The following ZC3HAV1L variants were observed in gnomAD, a reference collection of about 807,000 sequenced individuals.
ZC3HAV1L encodes zinc finger CCCH-type antiviral protein 1-like.
Under a neutral mutation model 28.2 loss-of-function variants are expected in ZC3HAV1L, and 23 were observed. That is an observed-to-expected ratio of 0.82 (90% CI 0.59 to 1.16). The LOEUF (loss-of-function observed/expected upper bound fraction) is 1.16, where lower values mean the gene tolerates loss of function less well. Among genes scored for constraint, ZC3HAV1L ranks in the 50% most tolerant of loss-of-function variants. The probability of loss-of-function intolerance (pLI) is 0.00; values close to 1 mark genes in which losing one functional copy is unlikely to be tolerated. For synonymous variants in ZC3HAV1L, 180 were observed against 163.4 expected (o/e 1.10, Z -0.78); for missense variants, 376 against 387.7 (o/e 0.97, Z 0.25).
chr7:139,032,321 G>A (rs191254136), intron 2 of ZC3HAV1L, among the ~76,000 whole-genome samples: 16 of 152,042 alleles, frequency 1.1e-4, no homozygotes, highest in African/African-American at 2.7e-4. Context: ...TCCACTGTAC[G>A]GCAAGGTGAC....
At chr7:139,027,711 G>A (rs931925514) in intron 3 of ZC3HAV1L, among the ~76,000 whole-genome samples, 8 of 151,916 alleles carry the variant, frequency 5.3e-5, no homozygotes, top group Non-Finnish European at 1.0e-4. Flanking sequence ...AAAGACTATG[G>A]GAATATATTT....
chr7:139,026,663 C>T, intron 4 of ZC3HAV1L, 45 bp downstream of exon 4: 1 of 1,612,200 alleles, frequency 6.2e-7, no homozygotes, highest in Non-Finnish European at 8.5e-7. Context: ...ATCTTCCAAG[C>T]TGGACAAGCT....
At position 139,028,722 on chromosome 7, in the gene ZC3HAV1L, T is replaced by G; in HGVS notation, c.740A>C (p.His247Pro). Residue 247 changes from histidine to proline, a missense_variant, in exon 3 of 5, where the codon CAC becomes CCC. By Grantham distance (77) the His-to-Pro change is moderately conservative (BLOSUM62 -2). Coordinates refer to ENST00000275766, the MANE Select transcript of ZC3HAV1L (RefSeq NM_080660.4). Reference sequence around the variant, plus strand: ...CCTACCTGTATTTTCAAGCATCTTGTGCAGCTTCATATGCTTGTAGGTGGA... The same window carrying G: ...CCTACCTGTATTTTCAAGCATCTTGGGCAGCTTCATATGCTTGTAGGTGGA... ...IISTYKHMKL[H>P]KMLENTDNSS... The G allele has an allele frequency of 6.2e-7, 1 of 1,614,090 alleles. No individual in the cohort carries two copies. The highest frequency in any genetic ancestry group is 8.5e-7 in the Non-Finnish European group (1 of 1,179,946).
chr7:139,035,382 C>T (rs1015904610), intron 1 of ZC3HAV1L: 4 of 985,052 alleles, frequency 4.1e-6, no homozygotes, highest in Admixed American at 6.1e-5. Context: ...CCGGCCGCGT[C>T]GCGCAGGATC....
chr7:139,035,484 G>A lies in ZC3HAV1L; in HGVS notation c.365+169C>T, dbSNP rs893097086. Reference sequence around the variant, plus strand: ...CTTCGCGCCTTTCCGCCCAGCTGCTGGAAGCGCGGGGGAGGACGCCCAGGA... The same window carrying A: ...CTTCGCGCCTTTCCGCCCAGCTGCTAGAAGCGCGGGGGAGGACGCCCAGGA... On this transcript the variant is annotated intron_variant, in intron 1 of 4. Transcript: ENST00000275766. 5 of 985,314 alleles carry A rather than the reference G, an allele frequency of 5.1e-6. 1 individual carries two copies. The highest frequency in any genetic ancestry group is 6.1e-5 in the Admixed American group (1 of 16,268). The allele number at this position is 985,314 out of a possible 1,614,324, so 61.0% of individuals were successfully genotyped here. A position where few individuals can be genotyped will look rare whatever the true frequency, so the allele number is the denominator to read the frequency against.
chr7:139,035,427 G>C, intron 1 of ZC3HAV1L: 2 of 985,356 alleles, frequency 2.0e-6, no homozygotes, highest in Admixed American at 6.1e-5. Flanking sequence ...CTTTTCTGGC[G>C]TGGGCGGTTG....
rs1007343865 is a variant in ZC3HAV1L at position 139,028,826 on chromosome 7, C to A, written c.636G>T (p.Gln212His). The A allele has an allele frequency of 2.5e-6, 4 of 1,614,052 alleles. No homozygotes were observed. In the African/African-American group the frequency reaches 5.3e-5, roughly 22 times the overall value. ...GCTTCAAAGATGCAGCATGGATAAG[C>A]TGATGGGACCGTTTGCAGGTCTGAA... ...CKLQTCKRSHQLIHAASLKLL... is the reference protein window; with the variant it reads ...CKLQTCKRSHHLIHAASLKLL... Residue 212 changes from glutamine (Q) to histidine (H), a missense_variant, in exon 3 of 5, where the codon CAG becomes CAT. Physicochemically the swap from Gln to His is conservative, Grantham distance 24. Coordinates refer to ENST00000275766, the MANE Select transcript of ZC3HAV1L (RefSeq NM_080660.4).
chr7:139,029,017 CG>C, intron 2 of ZC3HAV1L, 57 bp from the exon 3 acceptor site: 2 of 1,542,690 alleles, frequency 1.3e-6, no homozygotes, highest in East Asian at 2.3e-5. Flanking sequence ...TTTTTGGCAG[CG>C]GGGAGATGGA....
In ZC3HAV1L at chr7:139,034,457, AAATT is replaced by A. The variant is rs1815636351; in HGVS notation, c.501+82_501+85del. The stretch of plus-strand genomic sequence containing the variant: ...AATCATGTTGCTTCGAAGGCAATTA[AAATT>A]AATATGTAAAGCCAAAAGAAAAATA... On this transcript the variant is annotated intron_variant, in intron 2 of 4. Transcript: ENST00000275766. 6 of 1,549,380 alleles carry A rather than the reference AAATT, an allele frequency of 3.9e-6. No individual in the cohort carries two copies. The African/African-American group carries it at 4.1e-5, about 11-fold the overall frequency.
chr7:139,024,974 CT>C, downstream of ZC3HAV1L, among the ~76,000 whole-genome samples: 1 of 136,742 alleles, frequency 7.3e-6, no homozygotes, highest in African/African-American at 3.0e-5. Context: ...ATGAACACAG[CT>C]GGGTAGGTGG....
chr7:139,026,369 G>A lies in ZC3HAV1L; in HGVS notation c.*175C>T, dbSNP rs1815352453. 3.1e-6 allele frequency: 3 copies of A among 963,294 alleles called. No homozygotes were observed. Among genetic ancestry groups the A allele is most frequent in the African/African-American group, 3.3e-5 (2 of 60,216 alleles). The allele number at this position is 963,294 out of a possible 1,614,324, so 59.7% of individuals were successfully genotyped here. A position where few individuals can be genotyped will look rare whatever the true frequency, so the allele number is the denominator to read the frequency against. On this transcript the variant is annotated 3_prime_UTR_variant, in exon 5 of 5. Coordinates refer to ENST00000275766, the MANE Select transcript of ZC3HAV1L (RefSeq NM_080660.4). ...GCAGAGCTCCATCTACCCAGCCTGA[G>A]GAAAGCACCTAGGAGCTGCAGATAG... is the stretch of plus-strand genomic sequence containing the variant.
chr7:139,034,629 C>A lies in ZC3HAV1L; in HGVS notation c.415G>T (p.Val139Phe), dbSNP rs763553811. 4 of 1,613,976 alleles carry A rather than the reference C, an allele frequency of 2.5e-6. No homozygotes were observed. In the South Asian group the frequency reaches 3.3e-5, roughly 13 times the overall value. The change falls in exon 2 of 5, where the codon GTC becomes TTC. Residue 139 changes from valine (V) to phenylalanine (F), a missense_variant. Val to Phe is a conservative substitution (Grantham distance 50). Coordinates refer to ENST00000275766, the MANE Select transcript of ZC3HAV1L (RefSeq NM_080660.4). ...CCAAAAAGTCCATGGCTTTTCAGGACCTGCATGTTGACAGGTGTGTGGATA... is the reference window on the plus strand; with the variant it reads ...CCAAAAAGTCCATGGCTTTTCAGGAACTGCATGTTGACAGGTGTGTGGATA... ...HDIHTPVNMQ[V>F]LKSHGLFGLN...
rs552785377 is a variant in ZC3HAV1L, at chr7:139,035,571, C to A, written c.365+82G>T. ...CCGGCCCGGGGCAGGACGAAGCCCC[C>A]CTTCCCGTCGCTCCCGCTTCCAGCA... On this transcript the variant is annotated intron_variant, in intron 1 of 4. Coordinates refer to ENST00000275766, the MANE Select transcript of ZC3HAV1L (RefSeq NM_080660.4). The A allele has an allele frequency of 6.7e-6, 9 of 1,341,414 alleles. No homozygotes were observed. The East Asian group carries it at 9.4e-5, about 14-fold the overall frequency. The allele number at this position is 1,341,414 out of a possible 1,614,324, so 83.1% of individuals were successfully genotyped here. A position where few individuals can be genotyped will look rare whatever the true frequency, so the allele number is the denominator to read the frequency against.
In ZC3HAV1L at chr7:139,034,638, T is replaced by C. The variant is rs1815643684; in HGVS notation, c.406A>G (p.Asn136Asp). The change falls in exon 2 of 5, where the codon AAC becomes GAC. Residue 136 changes from asparagine to aspartate, a missense_variant. By Grantham distance (23) the Asn-to-Asp change is conservative (BLOSUM62 1). Transcript: ENST00000275766. ...CCATGGCTTTTCAGGACCTGCATGT[T>C]GACAGGTGTGTGGATATCATGGGAA... is the stretch of plus-strand genomic sequence containing the variant. ...TLSHDIHTPV[N>D]MQVLKSHGLF... is the part of the protein sequence containing the mutation. 6.2e-7 allele frequency: 1 copy of C among 1,614,010 alleles called. No homozygotes were observed. Among genetic ancestry groups the C allele is most frequent in the African/African-American group, 1.3e-5 (1 of 75,034 alleles).
At chr7:139,027,429 T>C (rs1372977417) in intron 3 of ZC3HAV1L, among the ~76,000 whole-genome samples, 1 of 152,146 alleles carries the variant, frequency 6.6e-6, no homozygotes, top group Non-Finnish European at 1.5e-5. Context: ...TCCCAACACT[T>C]TGGGAGGCCA....
chr7:139,034,181 CCT>C (rs1235129648), intron 2 of ZC3HAV1L: 4 of 985,210 alleles, frequency 4.1e-6, no homozygotes, highest in Admixed American at 1.2e-4. Flanking sequence ...TATGAACTAT[CCT>C]CTGTTTTCTC....
At chr7:139,023,531 C>T (rs555607491), downstream of ZC3HAV1L, among the ~76,000 whole-genome samples, 5 of 152,224 alleles carry the variant, frequency 3.3e-5, no homozygotes, top group Admixed American at 2.6e-4. Flanking sequence ...TCCCTGCAGG[C>T]GTTTTGAGTT....
At chr7:139,029,724 C>T (rs1054928627) in intron 2 of ZC3HAV1L, among the ~76,000 whole-genome samples, 32 of 152,076 alleles carry the variant, frequency 2.1e-4, no homozygotes, top group African/African-American at 1.7e-4. Context: ...CTGAAAAGCC[C>T]GCCCTCAAAA....
At chr7:139,027,827 C>T (rs563509688) in intron 3 of ZC3HAV1L, among the ~76,000 whole-genome samples, 8 of 152,176 alleles carry the variant, frequency 5.3e-5, no homozygotes, top group Non-Finnish European at 1.5e-5. Flanking sequence ...CAATTGGATT[C>T]GTGTTTGTAT....
Sources: allele counts gnomAD v4.1 joint callset (sites outside exome capture counted in the v4.1 genomes callset), GRCh38; gene constraint gnomAD v4.1.1; transcripts MANE v1.5; gene names NCBI Gene and HGNC (gene_info 2026-07-23, HGNC 2026-07-21).